BCOR: variants seen among roughly 807,000 people sequenced by gnomAD.
BCOR encodes the protein BCL-6 corepressor.
BCOR carries 10 observed loss-of-function variants against 86.7 expected under a neutral mutation model. The ratio of observed to expected loss-of-function variants is 0.12; its 90% CI spans 0.07 to 0.20. The LOEUF is 0.20. Ranked by LOEUF, BCOR falls within the 10% of genes least tolerant of loss-of-function variation. The pLI is 1.00. For synonymous variants in BCOR, 611 were observed against 609.0 expected (o/e 1.00, Z -0.05); for missense variants, 1,259 against 1,452.1 (o/e 0.87, Z 2.16).
chrX:40,170,990 T>A (rs754869376), intron 1 of BCOR, among the ~76,000 whole-genome samples: 1 of 111,598 alleles, frequency 9.0e-6, no homozygotes, highest in African/African-American at 3.3e-5. Flanking sequence ...CAGAAACCCA[T>A]CCGAGGGGGA....
rs1937375298 is a variant in BCOR, at chrX:40,115,170, AGT to A, written c.-40-37203_-40-37202del. Among the ~76,000 whole-genome samples the A allele has an allele frequency of 4.5e-5, 5 of 110,973 alleles. No homozygotes were observed. In the South Asian group the frequency reaches 1.9e-3, roughly 42 times the overall value. On this transcript the variant is annotated intron_variant, in intron 1 of 14. Coordinates refer to the BCOR transcript ENST00000342274. The stretch of plus-strand genomic sequence containing the variant: ...CCAAAACACATGGCTAATCTAGGAG[AGT>A]GTGGCTACGGGGATTCTACCTGACT...
intron 1 of BCOR, among the ~76,000 whole-genome samples, chrX:40,116,241 T>TA (rs1937391864): frequency 8.9e-6 from 1 of 112,211 alleles, no homozygotes; most frequent in African/African-American, 3.2e-5. Flanking sequence ...CTCACGCCTG[T>TA]AATCCCAGTG....
intron 1 of BCOR, among the ~76,000 whole-genome samples, chrX:40,107,615 T>C (rs1359931388): frequency 5.3e-5 from 6 of 113,181 alleles, no homozygotes; most frequent in Non-Finnish European, 1.1e-4. Context: ...CTTCGCTCCT[T>C]CCCTAATCCG....
Position 40,129,102 on chromosome X carries a change from C to G in BCOR, c.-41+47905G>C, listed in dbSNP as rs768699805. On this transcript the variant is annotated intron_variant, in intron 1 of 14. Transcript: ENST00000342274. ...GTCGCAGAGCTAGTGGGCATAGACTCCCAAATGGACAGTCTTTCCTCTTAG... is the reference window on the plus strand; with the variant it reads ...GTCGCAGAGCTAGTGGGCATAGACTGCCAAATGGACAGTCTTTCCTCTTAG... Among the ~76,000 whole-genome samples, 11 of 111,501 alleles carry G rather than the reference C, an allele frequency of 9.9e-5. 1 individual carries two copies. In the South Asian group the frequency reaches 3.0e-3, roughly 31 times the overall value.
At chrX:40,171,735 A>G (rs774081659) in intron 1 of BCOR, among the ~76,000 whole-genome samples, 1 of 112,913 alleles carries the variant, frequency 8.9e-6, no homozygotes, top group South Asian at 3.6e-4. Flanking sequence ...CCAGGTTTTT[A>G]TTCTTCCAGC....
At chrX:40,098,882 T>C (rs1351497668), upstream of BCOR, among the ~76,000 whole-genome samples, 1 of 111,757 alleles carries the variant, frequency 8.9e-6, no homozygotes, top group East Asian at 2.9e-4. Flanking sequence ...GAGCAGCCCG[T>C]GGAGGCACCG....
chrX:40,077,917 T>C lies in BCOR; in HGVS notation c.13A>G (p.Thr5Ala). 2.5e-6 allele frequency: 3 copies of C among 1,209,778 alleles called. No homozygotes were observed. The highest frequency in any genetic ancestry group is 3.0e-5 in the East Asian group (1 of 33,847). ...CTGTGAACGTTCCCATACAGGGGGG[T>C]TGCTGAGAGCATGTCGTCTTCTGGG... MLSA[T>A]PLYGNVHSWM... Residue 5 changes from threonine to alanine, a missense_variant, in exon 2 of 15, where the codon ACC becomes GCC. Thr to Ala is a moderately conservative substitution (Grantham distance 58). Coordinates refer to ENST00000378444, the MANE Select transcript of BCOR (RefSeq NM_001123385.2).
intron 1 of BCOR, among the ~76,000 whole-genome samples, chrX:40,117,844 C>T (rs1023622457): frequency 2.7e-5 from 3 of 111,073 alleles, no homozygotes; most frequent in African/African-American, 9.8e-5. Context: ...CTCTTTCTGA[C>T]GTCCAAGGGC....
At chrX:40,061,504 G>A (rs976345632) in intron 10 of BCOR, among the ~76,000 whole-genome samples, 6 of 111,596 alleles carry the variant, frequency 5.4e-5, no homozygotes, top group African/African-American at 1.6e-4. Context: ...TAGGGGCTCC[G>A]TCAACGTAAG....
At chrX:40,134,573 T>C (rs1937643552) in intron 1 of BCOR, among the ~76,000 whole-genome samples, 1 of 111,652 alleles carries the variant, frequency 9.0e-6, no homozygotes, top group African/African-American at 3.3e-5. Flanking sequence ...CAGTGAGCCA[T>C]GATCACACCA....
At chrX:40,086,568 G>A (rs755332021) in intron 1 of BCOR, among the ~76,000 whole-genome samples, 6 of 113,384 alleles carry the variant, frequency 5.3e-5, no homozygotes, top group Non-Finnish European at 1.1e-4. Context: ...TGGAGGGCGG[G>A]TGTGCCGTGG....
Position 40,151,803 on chromosome X carries a change from C to T in BCOR, c.-41+25204G>A, listed in dbSNP as rs191630824. Among the ~76,000 whole-genome samples the T allele has an allele frequency of 9.1e-3, 1,025 of 112,656 alleles. 19 individuals carry two copies. Among genetic ancestry groups the T allele is most frequent in the African/African-American group, 0.031 (970 of 31,050 alleles). On this transcript the variant is annotated intron_variant, in intron 1 of 14. Transcript: ENST00000342274. ...GAGACGGCGGCCCCGCCGATCGTGT[C>T]CCGGGCGAGCAGGCAGGCGGGGGCG...
intron 1 of BCOR, 83 bp downstream of exon 1, chrX:40,097,132 G>A (rs1354277323): frequency 8.9e-6 from 1 of 112,707 alleles, no homozygotes; most frequent in Non-Finnish European, 1.9e-5. Context: ...GGCCCCGGGA[G>A]AGGGGGCCGA....
At chrX:40,085,213 T>TGAA (rs757868379) in intron 1 of BCOR, among the ~76,000 whole-genome samples, 58 of 112,714 alleles carry the variant, frequency 5.1e-4, no homozygotes, top group Non-Finnish European at 8.8e-4. Context: ...TGCATATCGT[T>TGAA]GAAAGAAAAT....
At chrX:40,081,945 T>C (rs760486665) in intron 1 of BCOR, among the ~76,000 whole-genome samples, 1 of 112,501 alleles carries the variant, frequency 8.9e-6, no homozygotes, top group Non-Finnish European at 1.9e-5. Flanking sequence ...TACTGCATGG[T>C]CTCCAGCTCT....
intron 1 of BCOR, among the ~76,000 whole-genome samples, chrX:40,135,644 C>A (rs1021219389): frequency 3.9e-4 from 44 of 111,433 alleles, no homozygotes; most frequent in African/African-American, 1.3e-3. Context: ...CCTGCCTCGG[C>A]CTCCGAAAGT....
rs1298954579 is a variant in BCOR, at chrX:40,074,411, T to C, written c.935A>G (p.Gln312Arg). 18 of 1,208,589 alleles carry C rather than the reference T, an allele frequency of 1.5e-5. No individual in the cohort carries two copies. Among genetic ancestry groups the C allele is most frequent in the Non-Finnish European group, 2.0e-5 (18 of 894,309 alleles). The change falls in exon 4 of 15, where the codon CAG becomes CGG. Residue 312 changes from glutamine (Q) to arginine (R), a missense_variant. Coordinates refer to ENST00000378444, the MANE Select transcript of BCOR (RefSeq NM_001123385.2). ...CGCCTTGGCAGAGGGAACCCTGGGC[T>C]GCTTACTGTTCTGGATGTGAGGATA... is the stretch of plus-strand genomic sequence containing the variant. Reference protein sequence around the residue: ...HAYPHIQNSKQPRVPSAKAVT... With the variant: ...HAYPHIQNSKRPRVPSAKAVT...
chrX:40,093,321 CT>C (rs56708758), intron 1 of BCOR, among the ~76,000 whole-genome samples: 2 of 111,874 alleles, frequency 1.8e-5, no homozygotes, highest in African/African-American at 6.5e-5. Flanking sequence ...TAATGTGGCT[CT>C]TTCCCAGGCC....
chrX:40,082,257 C>T (rs1384877161), intron 1 of BCOR, among the ~76,000 whole-genome samples: 1 of 106,476 alleles, frequency 9.4e-6, no homozygotes, highest in East Asian at 3.0e-4. Context: ...CCCTCTTGCA[C>T]TAGGGCCACT....
Sources: gnomAD v4.1 joint callset for allele counts (sites outside exome capture counted in the v4.1 genomes callset) on GRCh38, gnomAD v4.1.1 for gene constraint, MANE v1.5 for transcripts, NCBI Gene and HGNC (gene_info 2026-07-23, HGNC 2026-07-21) for gene names.